The following CDK5RAP2 variants were observed in gnomAD, a reference collection of about 807,000 sequenced individuals.
CDK5RAP2 encodes CDK5 regulatory subunit-associated protein 2.
Under a neutral mutation model 232.9 loss-of-function variants are expected in CDK5RAP2, and 147 were observed. That is an observed-to-expected ratio of 0.63 (90% CI 0.55 to 0.72). The LOEUF (loss-of-function observed/expected upper bound fraction) is 0.72, where lower values mean the gene tolerates loss of function less well. CDK5RAP2 is among the 30% of genes least tolerant of loss of function. The pLI is 0.00. For missense variants in CDK5RAP2, 2,195 were observed against 2,231.5 expected (o/e 0.98, Z 0.33); for synonymous variants, 833 against 833.7 (o/e 1.00, Z 0.01).
At chr9:120,393,353 G>A (rs982117369) in intron 36 of CDK5RAP2, among the ~76,000 whole-genome samples, 7 of 152,168 alleles carry the variant, frequency 4.6e-5, no homozygotes, top group African/African-American at 7.2e-5. Flanking sequence ...CAGTGGCTGC[G>A]CTCCTCTCTT....
At chr9:120,413,339 G>A (rs1207605887) in intron 28 of CDK5RAP2, among the ~76,000 whole-genome samples, 2 of 152,224 alleles carry the variant, frequency 1.3e-5, no homozygotes, top group Non-Finnish European at 2.9e-5. Context: ...ACACATGAGA[G>A]GCCGGTTTTT....
intron 3 of CDK5RAP2, among the ~76,000 whole-genome samples, chr9:120,567,762 G>A (rs1044044297): frequency 1.3e-5 from 2 of 152,150 alleles, no homozygotes; most frequent in Non-Finnish European, 2.9e-5. Context: ...AATGCAAGGG[G>A]AGGCACAATG....
chr9:120,457,664 G>T (rs1368053962), intron 20 of CDK5RAP2, among the ~76,000 whole-genome samples: 3 of 152,132 alleles, frequency 2.0e-5, no homozygotes, highest in African/African-American at 7.2e-5. Flanking sequence ...GAAATACTAG[G>T]GTTCCTGGCT....
chr9:120,523,587 A>T (rs2040766079), intron 11 of CDK5RAP2, among the ~76,000 whole-genome samples: 1 of 152,228 alleles, frequency 6.6e-6, no homozygotes, highest in Non-Finnish European at 1.5e-5. Flanking sequence ...CTTATTGTTA[A>T]CTAAAGGCTC....
chr9:120,529,764 T>G (rs1433810655), intron 8 of CDK5RAP2, among the ~76,000 whole-genome samples: 2 of 152,226 alleles, frequency 1.3e-5, no homozygotes, highest in African/African-American at 4.8e-5. Flanking sequence ...ACTGGTTTTC[T>G]TTAAGCAACT....
intron 12 of CDK5RAP2, among the ~76,000 whole-genome samples, chr9:120,496,784 TG>T (rs1172574172): frequency 0.013 from 613 of 48,330 alleles, 20 homozygotes; most frequent in Non-Finnish European, 5.6e-3. Flanking sequence ...AGGAGGGAGG[TG>T]GGGGGGGTCA....
intron 14 of CDK5RAP2, among the ~76,000 whole-genome samples, chr9:120,483,420 T>A (rs750525928): frequency 2.4e-4 from 36 of 152,342 alleles, no homozygotes; most frequent in Non-Finnish European, 3.7e-4. Context: ...GACAGAGCCC[T>A]AGAGTCTGGG....
chr9:120,499,349 TC>T (rs1339348822), intron 12 of CDK5RAP2, among the ~76,000 whole-genome samples: 1 of 152,052 alleles, frequency 6.6e-6, no homozygotes, highest in Non-Finnish European at 1.5e-5. Flanking sequence ...CTATTCTCTC[TC>T]CTTTTGTGGG....
At chr9:120,483,614 T>C (rs2038440798) in intron 14 of CDK5RAP2, among the ~76,000 whole-genome samples, 1 of 152,212 alleles carries the variant, frequency 6.6e-6, no homozygotes, top group Non-Finnish European at 1.5e-5. Flanking sequence ...TCTTAACTAA[T>C]CCACTTCCAT....
rs2037476852 is a variant in CDK5RAP2, at chr9:120,467,955, T to C, written c.2011A>G (p.Asn671Asp). 3 of 1,614,202 alleles carry C rather than the reference T, an allele frequency of 1.9e-6. No homozygotes were observed. Among genetic ancestry groups the C allele is most frequent in the African/African-American group, 1.3e-5 (1 of 75,048 alleles). Reference protein sequence around the residue: ...IQLVKELYTDNQHLKKTIFDL... With the variant: ...IQLVKELYTDDQHLKKTIFDL... ...AAAATGGTTTTCTTCAGGTGCTGGT[T>C]GTCTGTATACAGCTCCTTCACTAGC... Residue 671 changes from asparagine (N) to aspartate (D), a missense_variant, in exon 18 of 38, where the codon AAC becomes GAC. Asn to Asp is a conservative substitution (Grantham distance 23). Coordinates refer to ENST00000349780, the MANE Select transcript of CDK5RAP2 (RefSeq NM_018249.6).
intron 1 of CDK5RAP2, among the ~76,000 whole-genome samples, chr9:120,578,427 GAC>G (rs1015556552): frequency 1.3e-5 from 2 of 152,096 alleles, no homozygotes; most frequent in African/African-American, 2.4e-5. Flanking sequence ...GACCCAATTA[GAC>G]AGGAACTGCA....
At chr9:120,390,028 G>C (rs1427124983) in intron 36 of CDK5RAP2, 2 of 539,206 alleles carry the variant, frequency 3.7e-6, no homozygotes. Flanking sequence ...CCACCTGACA[G>C]TGATGCAGAG....
intron 15 of CDK5RAP2, among the ~76,000 whole-genome samples, chr9:120,475,357 C>T (rs2037947445): frequency 6.6e-6 from 1 of 152,176 alleles, no homozygotes; most frequent in South Asian, 2.1e-4. Flanking sequence ...TTAGCCCTGA[C>T]CCGCCTCAGT....
intron 25 of CDK5RAP2, among the ~76,000 whole-genome samples, chr9:120,430,553 C>T (rs1259775481): frequency 1.3e-5 from 2 of 152,028 alleles, no homozygotes; most frequent in African/African-American, 4.8e-5. Flanking sequence ...AAATCAAAAC[C>T]ACAATGAGAT....
chr9:120,403,005 G>A lies in CDK5RAP2; in HGVS notation c.5108C>T (p.Ala1703Val), dbSNP rs2033163231. The A allele has an allele frequency of 1.2e-6, 2 of 1,614,032 alleles. No individual in the cohort carries two copies. The highest frequency in any genetic ancestry group is 3.3e-5 in the Admixed American group (2 of 59,996). ...GCGGGACACACACGGAGTGCTAGTT[G>A]CCGAACTGCCACTGTCGCAGGAGAG... The part of the protein sequence containing the change: ...DSLSCDSGSS[A>V]TSTPCVSRLV... The change falls in exon 34 of 38, where the codon GCA becomes GTA. Residue 1703 changes from alanine to valine, a missense_variant. Coordinates refer to ENST00000349780, the MANE Select transcript of CDK5RAP2 (RefSeq NM_018249.6). The surrounding 1 kb of genome is among the most constrained non-coding windows in gnomAD (Gnocchi z 4.2).
In CDK5RAP2 at chr9:120,443,676, G is replaced by T. The variant is rs781039312; in HGVS notation, c.3092C>A (p.Ser1031Tyr). The change falls in exon 23 of 38, where the codon TCT becomes TAT. Residue 1031 changes from serine (S) to tyrosine (Y), a missense_variant. Transcript: ENST00000349780. ...CATTTCCTTGTCTCTCCAGACAGAA[G>T]ATGTGGTTTTAATTCCTTTCTGCTC... is the stretch of plus-strand genomic sequence containing the variant. ...PGEQKGIKTTSSVWRDKEMDS... is the reference protein window; with the variant it reads ...PGEQKGIKTTYSVWRDKEMDS... 2.5e-6 allele frequency: 4 copies of T among 1,614,158 alleles called. No individual in the cohort carries two copies. The highest frequency in any genetic ancestry group is 3.4e-6 in the Non-Finnish European group (4 of 1,179,996).
intron 36 of CDK5RAP2, among the ~76,000 whole-genome samples, chr9:120,393,666 G>A (rs752855543): frequency 1.4e-4 from 22 of 152,222 alleles, no homozygotes; most frequent in Non-Finnish European, 2.1e-4. Context: ...TAAATGCAGC[G>A]GGAGGGAGTG....
chr9:120,484,973 C>A (rs540561284), intron 14 of CDK5RAP2, among the ~76,000 whole-genome samples: 1 of 151,742 alleles, frequency 6.6e-6, no homozygotes, highest in African/African-American at 2.4e-5. Context: ...ATCCTCCTGT[C>A]TCAGCCTCCC....
In CDK5RAP2 at chr9:120,419,802, T is replaced by C; in HGVS notation, c.4163A>G (p.Asn1388Ser). 6.2e-7 allele frequency: 1 copy of C among 1,613,696 alleles called. No homozygotes were observed. The highest frequency in any genetic ancestry group is 2.2e-5 in the East Asian group (1 of 44,876). ...GCTTAGCTTACCTTGAGAAAAACTG[T>C]TCACCATAACTGAAGTCTTCTCTGT... ...NETEKTSVMVNSFSQDLLMEH... is the reference protein window; with the variant it reads ...NETEKTSVMVSSFSQDLLMEH... The change falls in exon 27 of 38, where the codon AAC becomes AGC. Residue 1388 changes from asparagine to serine, a missense_variant. Transcript: ENST00000349780.
Sources: allele counts gnomAD v4.1 joint callset (sites outside exome capture counted in the v4.1 genomes callset), GRCh38; gene constraint gnomAD v4.1.1; non-coding constraint Gnocchi (gnomAD v3.1); transcripts MANE v1.5; gene names NCBI Gene and HGNC (gene_info 2026-07-23, HGNC 2026-07-21).